PPME1: variants seen among roughly 807,000 people sequenced by gnomAD.
The protein encoded by PPME1 is protein phosphatase methylesterase 1.
PPME1 carries 17 observed loss-of-function variants against 56.9 expected under a neutral mutation model. The ratio of observed to expected loss-of-function variants is 0.30; its 90% CI spans 0.20 to 0.45. The LOEUF is 0.45. Ranked by LOEUF, PPME1 falls within the 20% of genes least tolerant of loss-of-function variation. The pLI is 1.00. For synonymous variants in PPME1, 122 were observed against 156.2 expected, an observed-to-expected ratio of 0.78 and a Z score of 1.63; for missense variants, 357 against 483.2, an observed-to-expected ratio of 0.74 and a Z score of 2.45.
Position 74,230,725 on chromosome 11 carries a change from A to G in PPME1, c.554-187A>G. On this transcript the variant is annotated intron_variant, in intron 6 of 13. Transcript: ENST00000328257. The surrounding 1 kb of genome is among the most constrained non-coding windows in gnomAD (Gnocchi z 4.9). The stretch of plus-strand genomic sequence containing the variant: ...CTTGTGAATACAAGTCATCCTCTTC[A>G]GTGTGAGGGCATGACATAAAGAAGT... 2 of 612,026 alleles carry G rather than the reference A, an allele frequency of 3.3e-6. No individual in the cohort carries two copies. Among genetic ancestry groups the G allele is most frequent in the Non-Finnish European group, 5.7e-6 (2 of 351,340 alleles). The allele number at this position is 612,026 out of a possible 1,614,324, so 37.9% of individuals were successfully genotyped here.
intron 3 of PPME1, among the ~76,000 whole-genome samples, chr11:74,218,766 C>G: frequency 6.6e-6 from 1 of 152,170 alleles, no homozygotes; most frequent in East Asian, 1.9e-4. Context: ...GAATTAAAGA[C>G]TCAAACTATG....
At chr11:74,248,963 T>G (rs1373683531) in intron 11 of PPME1, 1 of 152,228 alleles carries the variant, frequency 6.6e-6, no homozygotes, top group African/African-American at 2.4e-5. Flanking sequence ...AATTTTGAGT[T>G]TCTTCATCTG....
At chr11:74,199,570 G>T (rs1225759838) in intron 1 of PPME1, among the ~76,000 whole-genome samples, 3 of 152,118 alleles carry the variant, frequency 2.0e-5, no homozygotes, top group Non-Finnish European at 4.4e-5. Flanking sequence ...GAACTCCAGG[G>T]CTCAAGTGAT....
At chr11:74,174,760 G>A (rs1460936390) in intron 1 of PPME1, among the ~76,000 whole-genome samples, 1 of 152,116 alleles carries the variant, frequency 6.6e-6, no homozygotes, top group African/African-American at 2.4e-5. Context: ...CATTGTAATG[G>A]TAACTTTATG....
chr11:74,217,673 A>G (rs1400065060), intron 3 of PPME1, among the ~76,000 whole-genome samples: 1 of 152,176 alleles, frequency 6.6e-6, no homozygotes, highest in Non-Finnish European at 1.5e-5. Context: ...AATGAAGGAC[A>G]AAAACCATAT....
intron 3 of PPME1, among the ~76,000 whole-genome samples, chr11:74,215,439 A>AAC (rs1292279886): frequency 1.1e-4 from 16 of 152,250 alleles, no homozygotes; most frequent in Non-Finnish European, 2.4e-4. Context: ...TTGTTTGTTT[A>AAC]TGAAATCAGT....
At chr11:74,176,643 T>C (rs1177871782) in intron 1 of PPME1, among the ~76,000 whole-genome samples, 2 of 151,972 alleles carry the variant, frequency 1.3e-5, no homozygotes, top group Non-Finnish European at 1.5e-5. Context: ...TTCTGGATCT[T>C]GAGTCACAGA....
chr11:74,253,370 A>G, intron 13 of PPME1, 122 bp from the exon 14 acceptor site: 3 of 977,004 alleles, frequency 3.1e-6, no homozygotes. Context: ...GGGCTGTGAA[A>G]TGGGTCAGAT....
intron 1 of PPME1, chr11:74,198,696 T>TC (rs11370283): frequency 0.4 from 61,185 of 151,870 alleles, 14,561 homozygotes; most frequent in Admixed American, 0.57. Context: ...CAAGCAATCC[T>TC]CCCCCCTTGA....
rs138601550 is a variant in PPME1, at chr11:74,190,507, T to A, written c.102-13221T>A. 5.3e-5 allele frequency among the ~76,000 whole-genome samples: 8 copies of A among 152,364 alleles called. No homozygotes were observed. In the East Asian group the frequency reaches 1.5e-3, roughly 29 times the overall value. ...TCACCAGAAACAGATACTGGTAGCATGCTTCTTGTACAGCCTGCAGAACTC... is the reference window on the plus strand; with the variant it reads ...TCACCAGAAACAGATACTGGTAGCAAGCTTCTTGTACAGCCTGCAGAACTC... On this transcript the variant is annotated intron_variant, in intron 1 of 13. Coordinates refer to ENST00000328257, the MANE Select transcript of PPME1 (RefSeq NM_016147.3).
intron 3 of PPME1, among the ~76,000 whole-genome samples, chr11:74,219,348 A>C (rs893677593): frequency 6.6e-6 from 1 of 151,782 alleles, no homozygotes; most frequent in Non-Finnish European, 1.5e-5. Flanking sequence ...AAAAAAAAAA[A>C]AACTAAAAAT....
intron 5 of PPME1, among the ~76,000 whole-genome samples, chr11:74,226,785 GA>G (rs1858941987): frequency 6.6e-6 from 1 of 152,130 alleles, no homozygotes; most frequent in Admixed American, 6.6e-5. Flanking sequence ...GTAGTAATTT[GA>G]ATAAGTAAAG....
At chr11:74,234,445 G>C (rs1168816643) in intron 7 of PPME1, among the ~76,000 whole-genome samples, 1 of 152,158 alleles carries the variant, frequency 6.6e-6, no homozygotes, top group South Asian at 2.1e-4. Flanking sequence ...AGCTTGGGAA[G>C]AAGAGGAAGA....
chr11:74,213,285 C>G (rs1858530079), intron 3 of PPME1, among the ~76,000 whole-genome samples: 1 of 152,172 alleles, frequency 6.6e-6, no homozygotes, highest in African/African-American at 2.4e-5. Context: ...AGGACTTTGT[C>G]TTGTGACTTG....
At chr11:74,200,964 AG>A (rs1858146348) in intron 1 of PPME1, among the ~76,000 whole-genome samples, 1 of 151,442 alleles carries the variant, frequency 6.6e-6, no homozygotes, top group African/African-American at 2.4e-5. Flanking sequence ...CAGGAACTAC[AG>A]GCCTTTTTTT....
intron 8 of PPME1, among the ~76,000 whole-genome samples, chr11:74,236,220 G>A (rs57867217): frequency 0.025 from 3,727 of 151,658 alleles, 140 homozygotes; most frequent in African/African-American, 0.085. Flanking sequence ...AAAACTCTGC[G>A]TGTTAAAAAG....
At chr11:74,253,011 G>T (rs969826405) in intron 13 of PPME1, among the ~76,000 whole-genome samples, 2 of 152,132 alleles carry the variant, frequency 1.3e-5, no homozygotes, top group Non-Finnish European at 2.9e-5. Flanking sequence ...TTTGGTGAGG[G>T]CTTGGGGAAA....
At chr11:74,215,987 C>T (rs911450694) in intron 3 of PPME1, among the ~76,000 whole-genome samples, 2 of 152,124 alleles carry the variant, frequency 1.3e-5, no homozygotes, top group Admixed American at 1.3e-4. Context: ...AACACTGGAG[C>T]ACCCAAATAG....
intron 13 of PPME1, chr11:74,252,002 G>A (rs75627623): frequency 0.047 from 28,636 of 614,202 alleles, 994 homozygotes; most frequent in South Asian, 0.11. Context: ...CCTTTGAGGA[G>A]GCTGGGATAG....
Sources: allele counts gnomAD v4.1 joint callset (sites outside exome capture counted in the v4.1 genomes callset), GRCh38; gene constraint gnomAD v4.1.1; non-coding constraint Gnocchi (gnomAD v3.1); transcripts MANE v1.5; gene names NCBI Gene and HGNC (gene_info 2026-07-23, HGNC 2026-07-21).